Variants in PLD5 observed in about 807,000 individuals in gnomAD.
PLD5 encodes the protein inactive phospholipase D5.
In PLD5, 36 loss-of-function variants were observed where a neutral mutation model predicts 61.1. The ratio of observed to expected loss-of-function variants is 0.59; its 90% CI spans 0.45 to 0.78. The LOEUF (loss-of-function observed/expected upper bound fraction) is 0.78. PLD5 is among the 30% of genes least tolerant of loss of function. The pLI, the probability that PLD5 is intolerant of heterozygous loss-of-function variation, is 0.00. For synonymous variants in PLD5, 243 were observed against 242.8 expected, an observed-to-expected ratio of 1.00 and a Z score of -0.01; for missense variants, 515 against 644.4, an observed-to-expected ratio of 0.80 and a Z score of 2.17.
intron 2 of PLD5, among the ~76,000 whole-genome samples, chr1:242,321,234 A>G (rs1331438862): frequency 6.6e-6 from 1 of 150,538 alleles, no homozygotes; most frequent in African/African-American, 2.4e-5. Flanking sequence ...AATAATGGAG[A>G]GTTTGACACC....
chr1:242,300,145 C>A (rs910161517), intron 2 of PLD5, among the ~76,000 whole-genome samples: 3 of 152,220 alleles, frequency 2.0e-5, no homozygotes, highest in Admixed American at 6.5e-5. Context: ...GAACATCAAC[C>A]AAGAAGATAT....
chr1:242,125,905 T>C lies in PLD5; in HGVS notation c.736-1240A>G, dbSNP rs376519507. On this transcript the variant is annotated intron_variant, in intron 5 of 9. Transcript: ENST00000536534. ...AGCTTCATGGTAACCACAGGATAGA[T>C]GGACACAAGTTGTTTAACCCACTGA... Among the ~76,000 whole-genome samples the C allele has an allele frequency of 5.4e-4, 82 of 152,318 alleles. 3 individuals carry two copies. In the South Asian group the frequency reaches 0.016, roughly 29 times the overall value.
intron 1 of PLD5, among the ~76,000 whole-genome samples, chr1:242,412,094 G>C (rs887698237): frequency 6.6e-6 from 1 of 152,156 alleles, no homozygotes; most frequent in Non-Finnish European, 1.5e-5. Flanking sequence ...AGGGGTGAAG[G>C]AATGACTCAT....
At chr1:242,340,434 T>C (rs2149212013) in intron 2 of PLD5, among the ~76,000 whole-genome samples, 1 of 151,984 alleles carries the variant, frequency 6.6e-6, no homozygotes, top group South Asian at 2.1e-4. Context: ...GGAAAATTTA[T>C]AGTTTAAGAA....
intron 7 of PLD5, among the ~76,000 whole-genome samples, chr1:242,111,410 C>G (rs1047408752): frequency 2.6e-5 from 4 of 152,116 alleles, no homozygotes; most frequent in African/African-American, 9.7e-5. Context: ...TTGTTCCATT[C>G]CCTTCCTACT....
chr1:242,426,396 A>G (rs779013759), intron 1 of PLD5, among the ~76,000 whole-genome samples: 2 of 152,300 alleles, frequency 1.3e-5, no homozygotes, highest in African/African-American at 4.8e-5. Context: ...ATAAAGCAGC[A>G]ACATCACCAT....
chr1:242,218,699 G>A (rs1670373680), intron 5 of PLD5, among the ~76,000 whole-genome samples: 1 of 152,184 alleles, frequency 6.6e-6, no homozygotes, highest in Non-Finnish European at 1.5e-5. Flanking sequence ...TTTCCTAAAT[G>A]TATTTATTTT....
intron 1 of PLD5, among the ~76,000 whole-genome samples, chr1:242,457,005 C>T (rs554895412): frequency 2.6e-4 from 40 of 152,324 alleles, no homozygotes; most frequent in Non-Finnish European, 4.6e-4. Flanking sequence ...AGAACACTCT[C>T]GCTTATTCTG....
chr1:242,351,707 C>G (rs1187730510), intron 1 of PLD5, among the ~76,000 whole-genome samples: 1 of 152,136 alleles, frequency 6.6e-6, no homozygotes, highest in Non-Finnish European at 1.5e-5. Context: ...TCTGAGAATG[C>G]AGAGACACAA....
At chr1:242,120,500 T>C (rs993524164) in intron 6 of PLD5, among the ~76,000 whole-genome samples, 1 of 152,026 alleles carries the variant, frequency 6.6e-6, no homozygotes, top group African/African-American at 2.4e-5. Flanking sequence ...GTAAATTACG[T>C]CTCTGTAAGG....
chr1:242,265,293 A>G (rs1439512149), intron 4 of PLD5, 44 bp downstream of exon 4: 1 of 1,578,870 alleles, frequency 6.3e-7, no homozygotes, highest in Non-Finnish European at 8.5e-7. Context: ...AGGTATCTTA[A>G]CAGAACACCC....
At chr1:242,496,018 C>G (rs1001197023) in intron 1 of PLD5, among the ~76,000 whole-genome samples, 5 of 152,222 alleles carry the variant, frequency 3.3e-5, no homozygotes, top group Admixed American at 6.5e-5. Flanking sequence ...ATTACCAGAA[C>G]TTAAATTCAA....
rs1250646054 is a variant in PLD5, at chr1:242,088,371, G to C, written c.*1483C>G. 2 of 152,184 alleles carry C rather than the reference G, an allele frequency of 1.3e-5. No individual in the cohort carries two copies. The highest frequency in any genetic ancestry group is 4.8e-5 in the African/African-American group (2 of 41,438). The allele number at this position is 152,184 out of a possible 1,614,324, so 9.4% of individuals were successfully genotyped here. On this transcript the variant is annotated 3_prime_UTR_variant, in exon 10 of 10. Coordinates refer to ENST00000536534, the MANE Select transcript of PLD5 (RefSeq NM_001372062.1). ...GAATTTGTTTTCCTTTGTGGATTCT[G>C]GGGGAGGACCTGGTGTTGATTCCAT...
chr1:242,094,858 A>T (rs187139220), intron 9 of PLD5, among the ~76,000 whole-genome samples: 3 of 152,190 alleles, frequency 2.0e-5, no homozygotes, highest in Non-Finnish European at 4.4e-5. Flanking sequence ...GTGACTTTCT[A>T]CCATTTTTCA....
At chr1:242,090,481 GACA>G (rs1182456671) in intron 9 of PLD5, among the ~76,000 whole-genome samples, 1 of 152,174 alleles carries the variant, frequency 6.6e-6, no homozygotes, top group Non-Finnish European at 1.5e-5. Context: ...TTCTCAAAGA[GACA>G]ACATCTAATC....
chr1:242,278,716 T>G (rs1398567705), intron 3 of PLD5, among the ~76,000 whole-genome samples: 6 of 152,202 alleles, frequency 3.9e-5, no homozygotes. Context: ...TTGAGCTCTA[T>G]GGAGGTAGCG....
At chr1:242,150,071 A>T (rs1664822792) in intron 5 of PLD5, among the ~76,000 whole-genome samples, 1 of 151,766 alleles carries the variant, frequency 6.6e-6, no homozygotes, top group South Asian at 2.1e-4. Flanking sequence ...AATTTCCCTA[A>T]GATTTCCTCT....
chr1:242,294,671 T>C (rs4658801), intron 2 of PLD5, among the ~76,000 whole-genome samples: 135,970 of 152,168 alleles, frequency 0.89, 60,837 homozygotes, highest in East Asian at 0.94. Context: ...TTCCCACTTC[T>C]GAGCAGAAAA....
At chr1:242,390,618 G>A (rs1662872220) in intron 1 of PLD5, among the ~76,000 whole-genome samples, 1 of 152,172 alleles carries the variant, frequency 6.6e-6, no homozygotes, top group South Asian at 2.1e-4. Context: ...GTGCACAGCT[G>A]AGGGCTAAAG....
Sources: allele counts gnomAD v4.1 joint callset (sites outside exome capture counted in the v4.1 genomes callset), GRCh38; gene constraint gnomAD v4.1.1; transcripts MANE v1.5; gene names NCBI Gene and HGNC (gene_info 2026-07-23, HGNC 2026-07-21).